TTC34: variants seen among roughly 807,000 people sequenced by gnomAD.
TTC34 encodes tetratricopeptide repeat domain 34.
TTC34 carries 44 observed loss-of-function variants against 40.7 expected under a neutral mutation model. The observed-to-expected ratio is 1.08, with a 90% CI of 0.85 to 1.39. TTC34 has a LOEUF of 1.39. TTC34 is among the 40% of genes most tolerant of loss of function. The pLI is 0.00. For synonymous variants in TTC34, 422 were observed against 398.6 expected (o/e 1.06, Z -0.70); for missense variants, 884 against 838.0 (o/e 1.05, Z -0.68).
intron 6 of TTC34, among the ~76,000 whole-genome samples, chr1:2,696,925 A>T (rs1640894839): frequency 2.7e-5 from 1 of 37,614 alleles, no homozygotes; most frequent in Non-Finnish European, 6.2e-5. Flanking sequence ...CCACAACCAC[A>T]GGTGAGCCTC....
At chr1:2,653,549 G>A (rs1639225548) in intron 6 of TTC34, among the ~76,000 whole-genome samples, 1 of 147,368 alleles carries the variant, frequency 6.8e-6, no homozygotes, top group Non-Finnish European at 1.5e-5. Flanking sequence ...GTATCTGACG[G>A]CCAGGAATAG....
chr1:2,800,274 G>A (rs1643757030), exon 2 of TTC34: 1 of 398,562 alleles, frequency 2.5e-6, no homozygotes, highest in African/African-American at 2.1e-5. Context: ...GAGCAGCGCG[G>A]GGAGGTGGGG....
intron 5 of TTC34, among the ~76,000 whole-genome samples, chr1:2,785,290 A>G (rs2100623411): frequency 1.1e-5 from 1 of 87,590 alleles, no homozygotes; most frequent in African/African-American, 5.0e-5. Flanking sequence ...AGGCTCTCAC[A>G]CTCCCTGTAC....
At position 2,688,168 on chromosome 1, in the gene TTC34, C is replaced by A. The variant is rs1437189700; in HGVS notation, c.2227-42605G>T. On this transcript the variant is annotated intron_variant, in intron 6 of 8. Coordinates refer to ENST00000401095, the Ensembl canonical transcript of TTC34. The stretch of plus-strand genomic sequence containing the variant: ...TGACGGCCTGGAAGGGCACCCACAC[C>A]CCCAGGCGAGCATCGGACAGCCTGG... 9.3e-3 allele frequency among the ~76,000 whole-genome samples: 1,165 copies of A among 124,972 alleles called. 1 individual carries two copies. The highest frequency in any genetic ancestry group is 0.016 in the Admixed American group (192 of 11,732). The allele number at this position is 124,972 out of a possible 152,430, so 82.0% of individuals were successfully genotyped here.
Position 2,792,033 on chromosome 1 carries a change from T to TTTTTTA in TTC34, c.785-1688_785-1687insTAAAAA, listed in dbSNP as rs1553171534. On this transcript the variant is annotated intron_variant, in intron 2 of 8. Transcript: ENST00000401095. ...TTTTTTTTTTTTTTTTTTTTTTTTT[T>TTTTTTA]AAAGACAGGGTCTTGCTCCATCACC... Among the ~76,000 whole-genome samples the TTTTTTA allele has an allele frequency of 8.4e-5, 9 of 107,106 alleles. 1 individual carries two copies. Among genetic ancestry groups the TTTTTTA allele is most frequent in the African/African-American group, 1.2e-4 (3 of 24,958 alleles). 70.3% of individuals were successfully genotyped at this position (107,106 alleles called of 152,430 possible). A position where few individuals can be genotyped will look rare whatever the true frequency, so the allele number is the denominator to read the frequency against.
At chr1:2,768,087 C>A (rs552491036) in intron 6 of TTC34, among the ~76,000 whole-genome samples, 1 of 151,586 alleles carries the variant, frequency 6.6e-6, no homozygotes, top group African/African-American at 2.4e-5. Context: ...AACCCACATC[C>A]CCAGGTAAGT....
At chr1:2,772,953 T>A (rs1352320920) in intron 6 of TTC34, among the ~76,000 whole-genome samples, 76 of 93,050 alleles carry the variant, frequency 8.2e-4, no homozygotes, top group African/African-American at 2.7e-3. Flanking sequence ...GGCGAGCATC[T>A]GACAGCCTGG....
intron 2 of TTC34, among the ~76,000 whole-genome samples, chr1:2,795,783 A>G (rs1643705981): frequency 1.3e-5 from 2 of 152,210 alleles, no homozygotes; most frequent in South Asian, 4.1e-4. Flanking sequence ...TGGTACCTGG[A>G]TGCTTACTTA....
intron 8 of TTC34, among the ~76,000 whole-genome samples, chr1:2,643,754 G>C (rs1020869847): frequency 6.6e-6 from 1 of 152,212 alleles, no homozygotes; most frequent in Admixed American, 6.5e-5. Flanking sequence ...TGTGGTTTCT[G>C]TTTTCCTAAG....
At chr1:2,656,362 A>T (rs1450662178) in intron 6 of TTC34, among the ~76,000 whole-genome samples, 1 of 107,444 alleles carries the variant, frequency 9.3e-6, no homozygotes, top group Admixed American at 1.0e-4. Flanking sequence ...GACAGCCTGG[A>T]ACAGCACCCA....
exon 5 of TTC34, chr1:2,785,912 G>A: frequency 6.5e-7 from 1 of 1,536,220 alleles, no homozygotes; most frequent in Non-Finnish European, 8.8e-7. Context: ...AGGATGGCCA[G>A]GGCCCTGGCG....
intron 6 of TTC34, among the ~76,000 whole-genome samples, chr1:2,695,171 GACAGC>G: frequency 1.4e-5 from 1 of 72,156 alleles, no homozygotes. Flanking sequence ...GAGAGCATCT[GACAGC>G]ATGGAACAGC....
intron 6 of TTC34, among the ~76,000 whole-genome samples, chr1:2,773,165 G>T (rs564967330): frequency 3.6e-5 from 4 of 111,430 alleles, no homozygotes; most frequent in African/African-American, 1.2e-4. Flanking sequence ...ACAGCCTGGA[G>T]CAGCGCCCAC....
chr1:2,675,111 GTGCCC>G (rs1639853060), intron 6 of TTC34, among the ~76,000 whole-genome samples: 1 of 2,270 alleles, frequency 4.4e-4, no homozygotes, highest in African/African-American at 1.1e-3. Context: ...GCCTGGAGCA[GTGCCC>G]ACACCCCCAG....
intron 6 of TTC34, among the ~76,000 whole-genome samples, chr1:2,778,632 C>G (rs1442783685): frequency 6.6e-6 from 1 of 152,206 alleles, no homozygotes; most frequent in Non-Finnish European, 1.5e-5. Flanking sequence ...TGGGGGGAGA[C>G]AGGCAGGGGA....
chr1:2,687,405 C>A (rs199735791), intron 6 of TTC34, among the ~76,000 whole-genome samples: 191 of 141,600 alleles, frequency 1.3e-3, no homozygotes, highest in Middle Eastern at 3.5e-3. Context: ...GGCACCCACA[C>A]CCCCAGGTGA....
intron 2 of TTC34, among the ~76,000 whole-genome samples, chr1:2,791,901 C>T (rs566282399): frequency 6.0e-5 from 9 of 151,092 alleles, no homozygotes; most frequent in South Asian, 4.2e-4. Context: ...TTCTGTTCTT[C>T]GTATCGAGTA....
At chr1:2,789,419 A>G in intron 3 of TTC34, 84 bp downstream of exon 3, 1 of 1,336,412 alleles carries the variant, frequency 7.5e-7, no homozygotes, top group East Asian at 3.0e-5. Context: ...ATTCCTTTGT[A>G]AAATAGGAGG....
At chr1:2,785,997 A>G in exon 5 of TTC34, 1 of 1,481,280 alleles carries the variant, frequency 6.8e-7, no homozygotes, top group Non-Finnish European at 9.0e-7. Flanking sequence ...AGGCGGTGTC[A>G]CCAGACTGGA....
Sources: gnomAD v4.1 joint callset for allele counts (sites outside exome capture counted in the v4.1 genomes callset) on GRCh38, gnomAD v4.1.1 for gene constraint, MANE v1.5 for transcripts, NCBI Gene and HGNC (gene_info 2026-07-23, HGNC 2026-07-21) for gene names.